AP3S1: variants seen among roughly 807,000 people sequenced by gnomAD.
AP3S1 encodes the protein adaptor related protein complex 3 subunit sigma 1.
A neutral mutation model predicts 21.3 loss-of-function variants in AP3S1; 12 were observed. That is an observed-to-expected ratio of 0.56 (90% CI 0.36 to 0.91). AP3S1 has a LOEUF of 0.91. AP3S1 is among the 40% of genes least tolerant of loss of function. The pLI is 0.01. For synonymous variants in AP3S1, 48 were observed against 78.4 expected, an observed-to-expected ratio of 0.61 and a Z score of 2.05; for missense variants, 116 against 225.0, an observed-to-expected ratio of 0.52 and a Z score of 3.10.
intron 5 of AP3S1, among the ~76,000 whole-genome samples, chr5:115,911,201 T>C (rs901937994): frequency 2.6e-5 from 4 of 152,088 alleles, no homozygotes. Context: ...TTTTAATTTA[T>C]TTTTTGCTTT....
At chr5:115,904,298 A>G (rs778573822) in intron 5 of AP3S1, among the ~76,000 whole-genome samples, 3 of 152,230 alleles carry the variant, frequency 2.0e-5, no homozygotes, top group African/African-American at 4.8e-5. Context: ...AATTTACAAC[A>G]GGTGAGTTCT....
intron 1 of AP3S1, among the ~76,000 whole-genome samples, chr5:115,849,704 C>T (rs924196244): frequency 1.3e-5 from 2 of 152,188 alleles, no homozygotes; most frequent in African/African-American, 4.8e-5. Flanking sequence ...ACTTTCTTCT[C>T]TACCCAGTTA....
chr5:115,865,543 A>G (rs1763546774), intron 1 of AP3S1, among the ~76,000 whole-genome samples: 1 of 152,150 alleles, frequency 6.6e-6, no homozygotes, highest in Non-Finnish European at 1.5e-5. Flanking sequence ...CCAAGTGATT[A>G]TATGTTTACC....
intron 5 of AP3S1, among the ~76,000 whole-genome samples, chr5:115,905,878 G>T (rs544812758): frequency 6.6e-6 from 1 of 152,294 alleles, no homozygotes; most frequent in South Asian, 2.1e-4. Flanking sequence ...TGTTTGGCTG[G>T]GCGCAGTGGC....
Position 115,903,166 on chromosome 5 carries a change from T to C in AP3S1, c.453+174T>C, listed in dbSNP as rs533118539. The C allele has an allele frequency of 2.3e-5, 11 of 472,242 alleles. No individual in the cohort carries two copies. In the East Asian group the frequency reaches 4.7e-4, roughly 20 times the overall value. 29.3% of individuals were successfully genotyped at this position (472,242 alleles called of 1,614,324 possible). On this transcript the variant is annotated intron_variant, in intron 5 of 5. Coordinates refer to ENST00000316788, the MANE Select transcript of AP3S1 (RefSeq NM_001284.4). ...TAGTATGCTAAAGGTTCTGTGACTG[T>C]TCTCTACCCAACAGCTTTGTGTATT... is the stretch of plus-strand genomic sequence containing the variant.
At chr5:115,878,192 C>G (rs1174396534) in intron 3 of AP3S1, among the ~76,000 whole-genome samples, 1 of 152,148 alleles carries the variant, frequency 6.6e-6, no homozygotes, top group Non-Finnish European at 1.5e-5. Flanking sequence ...TGTTCAGAAA[C>G]TCTTTAGTTT....
chr5:115,888,502 G>T (rs547220104), intron 3 of AP3S1, among the ~76,000 whole-genome samples: 5 of 152,056 alleles, frequency 3.3e-5, no homozygotes, highest in Admixed American at 2.6e-4. Flanking sequence ...TTTGAAGAAG[G>T]TTTGTTGATT....
At chr5:115,861,270 G>A (rs1433773161) in intron 1 of AP3S1, among the ~76,000 whole-genome samples, 1 of 152,144 alleles carries the variant, frequency 6.6e-6, no homozygotes, top group Non-Finnish European at 1.5e-5. Context: ...GACGGAAGTG[G>A]GAAAATGTGA....
chr5:115,870,455 A>G (rs1345907156), intron 3 of AP3S1, among the ~76,000 whole-genome samples: 1 of 152,170 alleles, frequency 6.6e-6, no homozygotes, highest in Non-Finnish European at 1.5e-5. Context: ...ATCTTTCATA[A>G]TGTCCCTGGA....
intron 1 of AP3S1, among the ~76,000 whole-genome samples, chr5:115,860,597 G>C (rs1381857990): frequency 6.6e-6 from 1 of 152,004 alleles, no homozygotes; most frequent in Non-Finnish European, 1.5e-5. Context: ...AATTCATGAG[G>C]TTTTTGCCTA....
In AP3S1 at chr5:115,866,658, A is replaced by T. The variant is rs1259368582; in HGVS notation, c.70-12A>T. 1 of 1,555,764 alleles carries T rather than the reference A, an allele frequency of 6.4e-7. No individual in the cohort carries two copies. Among genetic ancestry groups the T allele is most frequent in the Admixed American group, 1.8e-5 (1 of 57,058 alleles). The stretch of plus-strand genomic sequence containing the variant: ...CACTCCATCCTAATATATATGAATT[A>T]TTCTTCCTCAGAGTGAAGATACACA... On this transcript the variant is annotated splice_polypyrimidine_tract_variant and intron_variant, in intron 1 of 5. Coordinates refer to ENST00000316788, the MANE Select transcript of AP3S1 (RefSeq NM_001284.4).
chr5:115,854,384 G>C (rs1033739346), intron 1 of AP3S1, among the ~76,000 whole-genome samples: 3 of 152,162 alleles, frequency 2.0e-5, no homozygotes, highest in Admixed American at 2.0e-4. Flanking sequence ...AAATAGGAGA[G>C]AATTCTTCTC....
Position 115,852,245 on chromosome 5 carries a change from A to C in AP3S1, c.69+10139A>C, listed in dbSNP as rs554678355. Among the ~76,000 whole-genome samples the C allele has an allele frequency of 3.1e-3, 473 of 152,182 alleles. 1 individual carries two copies. Among genetic ancestry groups the C allele is most frequent in the South Asian group, 4.8e-3 (23 of 4,826 alleles). On this transcript the variant is annotated intron_variant, in intron 1 of 5. Transcript: ENST00000316788. ...ATTATATGGGCCCTGTTTTGGTAAA[A>C]GGCAAAAGGTTTGTAAGATCTGAAG... is the stretch of plus-strand genomic sequence containing the variant.
At chr5:115,861,865 C>CTTTTTTTTTT (rs113923492) in intron 1 of AP3S1, among the ~76,000 whole-genome samples, 11 of 110,600 alleles carry the variant, frequency 9.9e-5, no homozygotes, top group Non-Finnish European at 1.6e-4. Flanking sequence ...CTTTTCTTTT[C>CTTTTTTTTTT]TTTTTTTTTT....
At chr5:115,906,646 T>C (rs1017204028) in intron 5 of AP3S1, among the ~76,000 whole-genome samples, 1 of 149,452 alleles carries the variant, frequency 6.7e-6, no homozygotes, top group African/African-American at 2.5e-5. Flanking sequence ...AAGGACTCCC[T>C]GGGGGTGGAG....
intron 1 of AP3S1, among the ~76,000 whole-genome samples, chr5:115,865,037 C>T (rs1199619470): frequency 6.6e-6 from 1 of 151,882 alleles, no homozygotes; most frequent in Non-Finnish European, 1.5e-5. Context: ...AGCAAAACGG[C>T]AGACAGAAAT....
chr5:115,890,585 TTA>T (rs938819088), intron 3 of AP3S1, among the ~76,000 whole-genome samples: 1 of 152,160 alleles, frequency 6.6e-6, no homozygotes, highest in Non-Finnish European at 1.5e-5. Context: ...ACAGAAAAAT[TTA>T]TGTTATATGT....
intron 1 of AP3S1, among the ~76,000 whole-genome samples, chr5:115,850,457 C>G (rs1345900136): frequency 2.0e-5 from 3 of 152,154 alleles, no homozygotes. Flanking sequence ...CACCACCCAT[C>G]CATCTGTAGA....
chr5:115,909,204 G>A (rs1204204428), intron 5 of AP3S1, among the ~76,000 whole-genome samples: 1 of 152,018 alleles, frequency 6.6e-6, no homozygotes, highest in Non-Finnish European at 1.5e-5. Flanking sequence ...ATTGTTTATT[G>A]CATGAGGAAA....
Sources: allele counts gnomAD v4.1 joint callset (sites outside exome capture counted in the v4.1 genomes callset), GRCh38; gene constraint gnomAD v4.1.1; transcripts MANE v1.5; gene names NCBI Gene and HGNC (gene_info 2026-07-23, HGNC 2026-07-21).